Variants in SAP30 observed in about 807,000 individuals in gnomAD.
SAP30 encodes Sin3A associated protein 30.
In SAP30, 13 loss-of-function variants were observed where a neutral mutation model predicts 19.6. The ratio of observed to expected loss-of-function variants is 0.66; its 90% CI spans 0.43 to 1.05. The LOEUF (loss-of-function observed/expected upper bound fraction) is 1.05. Ranked by LOEUF, SAP30 falls within the 50% of genes least tolerant of loss-of-function variation. The pLI, the probability that SAP30 is intolerant of heterozygous loss-of-function variation, is 0.00. For missense variants in SAP30, 257 were observed against 292.1 expected (o/e 0.88, Z 0.88); for synonymous variants, 108 against 122.7 (o/e 0.88, Z 0.79).
intron 1 of SAP30, among the ~76,000 whole-genome samples, chr4:173,372,778 G>GCTAT (rs55885217): frequency 0.94 from 143,476 of 151,964 alleles, 67,976 homozygotes; most frequent in Non-Finnish European, 0.98. Context: ...CATCCTTACT[G>GCTAT]CTATCTGTTT....
chr4:173,371,097 T>C lies in SAP30; in HGVS notation c.-86T>C. 1 of 1,333,542 alleles carries C rather than the reference T, an allele frequency of 7.5e-7. No homozygotes were observed. Among genetic ancestry groups the C allele is most frequent in the Non-Finnish European group, 9.7e-7 (1 of 1,032,312 alleles). The allele number at this position is 1,333,542 out of a possible 1,614,324, so 82.6% of individuals were successfully genotyped here. A position where few individuals can be genotyped will look rare whatever the true frequency, so the allele number is the denominator to read the frequency against. Reference sequence around the variant, plus strand: ...CCGCTGTCTAACTTGGTGTGCAGAGTGAATTGCCGCTGCCGGAGCGGAGAG... The same window carrying C: ...CCGCTGTCTAACTTGGTGTGCAGAGCGAATTGCCGCTGCCGGAGCGGAGAG... On this transcript the variant is annotated 5_prime_UTR_variant, in exon 1 of 4. Coordinates refer to ENST00000296504, the MANE Select transcript of SAP30 (RefSeq NM_003864.4). This position sits in a 1 kb window ranked among gnomAD's most constrained non-coding sequence, Gnocchi z 6.4.
At position 173,373,988 on chromosome 4, in the gene SAP30, A is replaced by T; in HGVS notation, c.491A>T (p.His164Leu). The T allele has an allele frequency of 6.2e-7, 1 of 1,605,010 alleles. No individual in the cohort carries two copies. Among genetic ancestry groups the T allele is most frequent in the Non-Finnish European group, 8.5e-7 (1 of 1,174,888 alleles). The change falls in exon 3 of 4, where the codon CAC becomes CTC. Residue 164 changes from histidine (H) to leucine (L), a missense_variant. His to Leu is a moderately conservative substitution (Grantham distance 99). Transcript: ENST00000296504. The part of the protein sequence containing the change: ...QVNTLRRYKR[H>L]FKLPTRPGLN... ...AATACACTTAGGAGATACAAAAGAC[A>T]CTTCAAGCTACCAACCAGACCAGGA...
At chr4:173,375,353 T>A (rs1292547191) in intron 3 of SAP30, among the ~76,000 whole-genome samples, 5 of 152,160 alleles carry the variant, frequency 3.3e-5, no homozygotes, top group Non-Finnish European at 7.3e-5. Context: ...TTAGCTAAAA[T>A]TTTTTATCCT....
chr4:173,374,977 A>T (rs1344297746), intron 3 of SAP30, among the ~76,000 whole-genome samples: 1 of 151,194 alleles, frequency 6.6e-6, no homozygotes, highest in Non-Finnish European at 1.5e-5. Flanking sequence ...TGTTTTCAGG[A>T]TATAATAGAA....
intron 3 of SAP30, 89 bp downstream of exon 3, chr4:173,374,126 A>G (rs1378427414): frequency 2.0e-5 from 12 of 603,856 alleles, no homozygotes; most frequent in Non-Finnish European, 3.4e-5. Flanking sequence ...TGTATGTAAC[A>G]GTACATTTTA....
Position 173,371,259 on chromosome 4 carries a change from C to T in SAP30, c.77C>T (p.Ala26Val). Residue 26 changes from alanine (A) to valine (V), a missense_variant, in exon 1 of 4, where the codon GCG (alanine) becomes GTG (valine). By Grantham distance (64) the Ala-to-Val change is moderately conservative. Transcript: ENST00000296504. The surrounding 1 kb of genome is among the most constrained non-coding windows in gnomAD (Gnocchi z 6.4). ...GCAGTGGCCGCAGTGGTCGCTGCCG[C>T]GGCCGCCGCCGCCTCGGCGGGGAAC... is the stretch of plus-strand genomic sequence containing the variant. ...AAAVAAVVAAAAAAASAGNGT... is the reference protein window; with the variant it reads ...AAAVAAVVAAVAAAASAGNGT... 7.8e-7 allele frequency: 1 copy of T among 1,275,856 alleles called. No homozygotes were observed. The highest frequency in any genetic ancestry group is 9.9e-7 in the Non-Finnish European group (1 of 1,011,808). 79.0% of individuals were successfully genotyped at this position (1,275,856 alleles called of 1,614,324 possible). A position where few individuals can be genotyped will look rare whatever the true frequency, so the allele number is the denominator to read the frequency against.
Position 173,373,344 on chromosome 4 carries a change from C to T in SAP30, c.316-46C>T, listed in dbSNP as rs780795320. ...TATGTGTTTTACTAATACATAGACA[C>T]ATTTTACTGTAATCATAAGCAGTGT... is the stretch of plus-strand genomic sequence containing the variant. On this transcript the variant is annotated intron_variant, in intron 1 of 3. Transcript: ENST00000296504. 32 of 1,538,400 alleles carry T rather than the reference C, an allele frequency of 2.1e-5. No individual in the cohort carries two copies. The East Asian group carries it at 6.3e-4, about 30-fold the overall frequency.
intron 3 of SAP30, among the ~76,000 whole-genome samples, chr4:173,376,814 G>A (rs1460465364): frequency 6.6e-6 from 1 of 151,800 alleles, no homozygotes; most frequent in Non-Finnish European, 1.5e-5. Context: ...TAGAGATGGG[G>A]TTTCGTCATG....
rs769601600 is a variant in SAP30, at chr4:173,371,405, C to T, written c.223C>T (p.Arg75Trp). ...GTGCTGCCTGCGGGAGGATGGTGAG[C>T]GGTGCGGCCGGGCGGCAGGCAACGC... ...QLCCLREDGE[R>W]CGRAAGNASF... Residue 75 changes from arginine to tryptophan, a missense_variant, in exon 1 of 4, where the codon CGG becomes TGG. By Grantham distance (101) the Arg-to-Trp change is moderately radical. Transcript: ENST00000296504. This position sits in a 1 kb window ranked among gnomAD's most constrained non-coding sequence, Gnocchi z 6.4. 1.3e-6 allele frequency: 2 copies of T among 1,588,292 alleles called. No homozygotes were observed. Among genetic ancestry groups the T allele is most frequent in the Non-Finnish European group, 1.7e-6 (2 of 1,174,436 alleles).
chr4:173,376,100 A>G (rs1379896041), intron 3 of SAP30, among the ~76,000 whole-genome samples: 1 of 152,226 alleles, frequency 6.6e-6, no homozygotes, highest in East Asian at 1.9e-4. Context: ...TTTTAAGGGA[A>G]TCCAGGGTTG....
rs1170340519 is a variant in SAP30, at chr4:173,371,284, C to T, written c.102C>T (p.Asn34=). The T allele has an allele frequency of 1.0e-4, 125 of 1,232,086 alleles. No homozygotes were observed. The highest frequency in any genetic ancestry group is 1.2e-4 in the Non-Finnish European group (123 of 991,866). The allele number at this position is 1,232,086 out of a possible 1,614,324, so 76.3% of individuals were successfully genotyped here. The change falls in exon 1 of 4, where the codon AAC becomes AAT. Residue 34 remains asparagine, a synonymous_variant. Transcript: ENST00000296504. The surrounding 1 kb of genome is among the most constrained non-coding windows in gnomAD (Gnocchi z 6.4). The part of the protein sequence containing the change: ...AAAAAAASAG[N]GTGAGTGAEV... The stretch of plus-strand genomic sequence containing the variant: ...CGGCCGCCGCCGCCTCGGCGGGGAA[C>T]GGGACCGGCGCGGGCACCGGGGCTG...
chr4:173,371,497 C>G lies in SAP30; in HGVS notation c.315C>G (p.Ser105Arg), dbSNP rs1182377649. The G allele has an allele frequency of 5.1e-6, 8 of 1,583,118 alleles. No homozygotes were observed. The highest frequency in any genetic ancestry group is 6.8e-6 in the Non-Finnish European group (8 of 1,170,136). ...AGGTGAAGATCGAGCTGGATAAGAG[C>G]GTAAGTAAACCGCGGGACCGCCCTG... ...QKKVKIELDK[S>R]ARHLYICDYH... Residue 105 changes from serine to arginine, a missense_variant and splice_region_variant, in exon 1 of 4, where the codon AGC becomes AGG. By Grantham distance (110) the Ser-to-Arg change is moderately radical (BLOSUM62 -1). Coordinates refer to ENST00000296504, the MANE Select transcript of SAP30 (RefSeq NM_003864.4). The surrounding 1 kb of genome is among the most constrained non-coding windows in gnomAD (Gnocchi z 6.4).
chr4:173,373,283 C>A, intron 1 of SAP30, 107 bp from the exon 2 acceptor site: 1 of 979,362 alleles, frequency 1.0e-6, no homozygotes, highest in Non-Finnish European at 1.4e-6. Context: ...AATGGCCCAT[C>A]TTGGCTGTCT....
At chr4:173,373,781 T>G (rs762478360) in intron 2 of SAP30, among the ~76,000 whole-genome samples, 158 bp from the exon 3 acceptor site, 4 of 151,970 alleles carry the variant, frequency 2.6e-5, no homozygotes, top group Non-Finnish European at 5.9e-5. Context: ...ATTAAATTCT[T>G]TAATAATTTA....
chr4:173,377,009 T>A (rs1739056429), intron 3 of SAP30, among the ~76,000 whole-genome samples, 196 bp from the exon 4 acceptor site: 1 of 152,206 alleles, frequency 6.6e-6, no homozygotes, highest in South Asian at 2.1e-4. Flanking sequence ...TCCTTTGAAA[T>A]CACACTATCT....
chr4:173,377,454 C>G lies in SAP30; in HGVS notation c.*127C>G, dbSNP rs968949314. ...CTGATTTTATTTTCTTTGTTTCTGA[C>G]TCTAATAATTAGTTGGAAACTCATA... On this transcript the variant is annotated 3_prime_UTR_variant, in exon 4 of 4. Coordinates refer to ENST00000296504, the MANE Select transcript of SAP30 (RefSeq NM_003864.4). 2 of 922,278 alleles carry G rather than the reference C, an allele frequency of 2.2e-6. No individual in the cohort carries two copies. The highest frequency in any genetic ancestry group is 3.5e-5 in the African/African-American group (2 of 56,972). The allele number at this position is 922,278 out of a possible 1,614,324, so 57.1% of individuals were successfully genotyped here.
In SAP30 at chr4:173,371,584, C is replaced by T; in HGVS notation, c.315+87C>T. 7 of 1,510,182 alleles carry T rather than the reference C, an allele frequency of 4.6e-6. No homozygotes were observed. The highest frequency in any genetic ancestry group is 6.2e-6 in the Non-Finnish European group (7 of 1,128,024). The allele number at this position is 1,510,182 out of a possible 1,614,324, so 93.5% of individuals were successfully genotyped here. ...AAAGGCACGGGTTGTCGGCGGGGTC[C>T]CCCAGACAACCGCACTGGCTGCAGT... is the stretch of plus-strand genomic sequence containing the variant. On this transcript the variant is annotated intron_variant, in intron 1 of 3. Coordinates refer to ENST00000296504, the MANE Select transcript of SAP30 (RefSeq NM_003864.4). This position sits in a 1 kb window ranked among gnomAD's most constrained non-coding sequence, Gnocchi z 6.4.
At position 173,373,518 on chromosome 4, in the gene SAP30, A is replaced by G; in HGVS notation, c.441+3A>G. ...TTCAAGATATTGATACCCCAGAGGTAGATGGAAGTTTTTTATGCTTAATGT... is the reference window on the plus strand; with the variant it reads ...TTCAAGATATTGATACCCCAGAGGTGGATGGAAGTTTTTTATGCTTAATGT... On this transcript the variant is annotated splice_donor_region_variant and intron_variant, in intron 2 of 3. Coordinates refer to ENST00000296504, the MANE Select transcript of SAP30 (RefSeq NM_003864.4). 6.3e-7 allele frequency: 1 copy of G among 1,591,106 alleles called. No homozygotes were observed. The highest frequency in any genetic ancestry group is 8.5e-7 in the Non-Finnish European group (1 of 1,170,652).
rs1399144265 is a variant in SAP30, at chr4:173,373,452, AAAGAG to A, written c.381_385del (p.Lys129GlufsTer2). The A allele has an allele frequency of 1.2e-6, 2 of 1,613,334 alleles. No homozygotes were observed. Among genetic ancestry groups the A allele is most frequent in the Non-Finnish European group, 1.7e-6 (2 of 1,179,618 alleles). On this transcript the variant is annotated frameshift_variant, in exon 2 of 4. Transcript: ENST00000296504. LOFTEE classifies it high-confidence loss of function. Reference sequence around the variant, plus strand: ...TAATTCAGAGTGTTCGAAACAGAAGAAAGAGAAAAGGGAGTGATGATGATGGAGGT... The same window carrying A: ...TAATTCAGAGTGTTCGAAACAGAAGAAAAAGGGAGTGATGATGATGGAGGT...
Sources: gnomAD v4.1 joint callset for allele counts (sites outside exome capture counted in the v4.1 genomes callset) on GRCh38, gnomAD v4.1.1 for gene constraint, Gnocchi (gnomAD v3.1) non-coding constraint, MANE v1.5 for transcripts, NCBI Gene and HGNC (gene_info 2026-07-23, HGNC 2026-07-21) for gene names.